BBX: variants seen among roughly 807,000 people sequenced by gnomAD.
BBX encodes BBX high mobility group box domain containing, also known as HMG box transcription factor BBX.
BBX carries 30 observed loss-of-function variants against 100.2 expected under a neutral mutation model. The observed-to-expected ratio is 0.30, with a 90% CI of 0.22 to 0.41. The LOEUF (loss-of-function observed/expected upper bound fraction) is 0.41. Ranked by LOEUF, BBX falls within the 10% of genes least tolerant of loss-of-function variation. BBX has a pLI of 1.00. For synonymous variants in BBX, 376 were observed against 388.1 expected (o/e 0.97, Z 0.37); for missense variants, 1,023 against 1,129.8 (o/e 0.91, Z 1.35).
At chr3:107,703,016 G>A (rs773889233) in intron 3 of BBX, among the ~76,000 whole-genome samples, 12 of 152,132 alleles carry the variant, frequency 7.9e-5, no homozygotes, top group Non-Finnish European at 1.2e-4. Flanking sequence ...TGATCAATAC[G>A]TATGTGTTCA....
At chr3:107,659,707 T>C in intron 3 of BBX, 2 of 1,280,058 alleles carry the variant, frequency 1.6e-6, no homozygotes, top group Non-Finnish European at 2.0e-6. Context: ...TGCCTGTAGA[T>C]TATCCTCACA....
intron 3 of BBX, among the ~76,000 whole-genome samples, chr3:107,655,687 T>G (rs552363435): frequency 6.0e-4 from 90 of 150,876 alleles, no homozygotes; most frequent in African/African-American, 2.1e-3. Flanking sequence ...CTGGCTAAGT[T>G]TCTTTAAATT....
intron 2 of BBX, among the ~76,000 whole-genome samples, chr3:107,593,785 C>A (rs560428827): frequency 2.6e-5 from 4 of 152,150 alleles, no homozygotes; most frequent in African/African-American, 7.2e-5. Context: ...AACAAACAAA[C>A]AAAAAAAGTC....
chr3:107,789,955 A>G (rs760974776), intron 14 of BBX, 79 bp downstream of exon 14: 77 of 1,166,290 alleles, frequency 6.6e-5, no homozygotes, highest in Non-Finnish European at 8.9e-5. Context: ...GCTCCCATGC[A>G]CTGCCTTTGC....
chr3:107,755,692 A>G lies in BBX; in HGVS notation c.906+14A>G. The G allele has an allele frequency of 6.2e-7, 1 of 1,603,888 alleles. No homozygotes were observed. Among genetic ancestry groups the G allele is most frequent in the Non-Finnish European group, 8.5e-7 (1 of 1,170,776 alleles). Reference sequence around the variant, plus strand: ...CAACTGGCAGAGGCAAGTTCCTAAGAATATATTGAGATAAGATCTGCAGAG... The same window carrying G: ...CAACTGGCAGAGGCAAGTTCCTAAGGATATATTGAGATAAGATCTGCAGAG... On this transcript the variant is annotated intron_variant, in intron 10 of 17. Coordinates refer to ENST00000325805, the MANE Select transcript of BBX (RefSeq NM_001142568.3).
chr3:107,739,128 A>T (rs1187004171), intron 7 of BBX, among the ~76,000 whole-genome samples: 1 of 152,214 alleles, frequency 6.6e-6, no homozygotes, highest in Non-Finnish European at 1.5e-5. Context: ...GAAACTTTTC[A>T]CTTTCTTTAT....
At chr3:107,526,838 T>G (rs2047815360) in intron 2 of BBX, 1 of 152,464 alleles carries the variant, frequency 6.6e-6, no homozygotes, top group African/African-American at 2.4e-5. Context: ...TCAAGTTCTC[T>G]TTCTTGAGTA....
chr3:107,635,275 C>T (rs1038073574), intron 2 of BBX, among the ~76,000 whole-genome samples: 5 of 152,094 alleles, frequency 3.3e-5, no homozygotes, highest in East Asian at 3.9e-4. Context: ...CTCACTGAAG[C>T]GAAACACTGT....
intron 13 of BBX, among the ~76,000 whole-genome samples, chr3:107,789,176 C>T (rs571793378): frequency 6.6e-6 from 1 of 150,634 alleles, no homozygotes; most frequent in Admixed American, 6.6e-5. Flanking sequence ...TGATTGTTCA[C>T]TGAAAAAAAA....
intron 2 of BBX, among the ~76,000 whole-genome samples, chr3:107,533,722 AATGTTTCTT>A (rs746271661): frequency 6.6e-6 from 1 of 152,172 alleles, no homozygotes; most frequent in Non-Finnish European, 1.5e-5. Flanking sequence ...CATGTTGAAA[AATGTTTCTT>A]ATGTTTCTTA....
At chr3:107,609,248 A>G (rs1043759537) in intron 2 of BBX, among the ~76,000 whole-genome samples, 1 of 152,108 alleles carries the variant, frequency 6.6e-6, no homozygotes, top group Non-Finnish European at 1.5e-5. Context: ...CTTGATTATG[A>G]TGAATGATTT....
intron 2 of BBX, among the ~76,000 whole-genome samples, chr3:107,623,643 A>G (rs563190605): frequency 6.6e-6 from 1 of 151,976 alleles, no homozygotes; most frequent in African/African-American, 2.4e-5. Flanking sequence ...TAATTTGGAG[A>G]CCCTCTTTAA....
intron 3 of BBX, among the ~76,000 whole-genome samples, chr3:107,646,619 A>T (rs2057535912): frequency 6.6e-6 from 1 of 152,092 alleles, no homozygotes; most frequent in Non-Finnish European, 1.5e-5. Context: ...TGGGAATCAG[A>T]TGTGGGATTG....
At chr3:107,714,404 T>G (rs942901793) in intron 4 of BBX, among the ~76,000 whole-genome samples, 3 of 148,176 alleles carry the variant, frequency 2.0e-5, no homozygotes, top group African/African-American at 7.3e-5. Flanking sequence ...AAATTTATGT[T>G]TATATGGTTT....
intron 9 of BBX, among the ~76,000 whole-genome samples, chr3:107,751,953 G>T (rs1393416413): frequency 6.6e-6 from 1 of 152,120 alleles, no homozygotes; most frequent in Non-Finnish European, 1.5e-5. Flanking sequence ...TTTTAGGTCT[G>T]GTTTACCAAA....
At chr3:107,729,824 C>T (rs2063194615) in intron 6 of BBX, among the ~76,000 whole-genome samples, 1 of 151,672 alleles carries the variant, frequency 6.6e-6, no homozygotes, top group Admixed American at 6.6e-5. Context: ...TGTGATAACA[C>T]TTTTTTTTTG....
At position 107,604,956 on chromosome 3, in the gene BBX, C is replaced by T. The variant is rs557058719; in HGVS notation, c.-83-40880C>T. The stretch of plus-strand genomic sequence containing the variant: ...ATATTCTTATTTCAGTTCATCTTTA[C>T]AGTGTGCCTTTTGATTCATTACTCA... On this transcript the variant is annotated intron_variant, in intron 2 of 17. Transcript: ENST00000325805. Among the ~76,000 whole-genome samples, 6 of 152,262 alleles carry T rather than the reference C, an allele frequency of 3.9e-5. No homozygotes were observed. The South Asian group carries it at 1.2e-3, about 32-fold the overall frequency.
In BBX at chr3:107,594,092, A is replaced by G. The variant is rs183779765; in HGVS notation, c.-83-51744A>G. On this transcript the variant is annotated intron_variant, in intron 2 of 17. Coordinates refer to ENST00000325805, the MANE Select transcript of BBX (RefSeq NM_001142568.3). ...GTGTCAGATAGCAGTTATTTAGTAG[A>G]CAAGGATTAGACTCCAAGTTGTATC... Among the ~76,000 whole-genome samples, 139 of 152,312 alleles carry G rather than the reference A, an allele frequency of 9.1e-4. 3 individuals carry two copies. The highest frequency in any genetic ancestry group is 7.7e-4 in the East Asian group (4 of 5,182).
intron 3 of BBX, among the ~76,000 whole-genome samples, chr3:107,665,477 A>G (rs1269606985): frequency 6.6e-6 from 1 of 152,068 alleles, no homozygotes; most frequent in Non-Finnish European, 1.5e-5. Flanking sequence ...CCACTACCAG[A>G]GTCTGAATCT....
Sources: allele counts gnomAD v4.1 joint callset (sites outside exome capture counted in the v4.1 genomes callset), GRCh38; gene constraint gnomAD v4.1.1; transcripts MANE v1.5; gene names NCBI Gene and HGNC (gene_info 2026-07-23, HGNC 2026-07-21).